The following CBFA2T3 variants were observed in gnomAD, a reference collection of about 807,000 sequenced individuals.
CBFA2T3 encodes CBFA2/RUNX1 partner transcriptional co-repressor 3, also known as transcriptional corepressor CBFA2T3.
In CBFA2T3, 31 loss-of-function variants were observed where a neutral mutation model predicts 58.6. The observed-to-expected ratio is 0.53, with a 90% CI of 0.40 to 0.71. The LOEUF (loss-of-function observed/expected upper bound fraction) is 0.71, where lower values mean the gene tolerates loss of function less well. CBFA2T3 is among the 30% of genes least tolerant of loss of function. The pLI is 0.00. For synonymous variants in CBFA2T3, 531 were observed against 421.9 expected, an observed-to-expected ratio of 1.26 and a Z score of -3.17; for missense variants, 1,076 against 963.1, an observed-to-expected ratio of 1.12 and a Z score of -1.55.
chr16:88,898,298 G>T (rs61415105), intron 2 of CBFA2T3, 146 bp from the exon 3 acceptor site: 3 of 638,256 alleles, frequency 4.7e-6, no homozygotes, highest in Non-Finnish European at 8.2e-6. Context: ...AGGGGCACCC[G>T]GGCCGCCTTT....
At chr16:88,972,833 G>C (rs1972687930) in intron 1 of CBFA2T3, among the ~76,000 whole-genome samples, 1 of 152,262 alleles carries the variant, frequency 6.6e-6, no homozygotes, top group Non-Finnish European at 1.5e-5. Context: ...GGTGAGGTCT[G>C]AGGGTGCTGG....
chr16:88,956,433 TC>T (rs1460710194), intron 1 of CBFA2T3, among the ~76,000 whole-genome samples: 1 of 152,154 alleles, frequency 6.6e-6, no homozygotes, highest in Non-Finnish European at 1.5e-5. Context: ...ATGACCCTGC[TC>T]CCCCAGGCTC....
intron 1 of CBFA2T3, among the ~76,000 whole-genome samples, chr16:88,910,432 C>T (rs149612637): frequency 0.012 from 1,900 of 152,332 alleles, 8 homozygotes; most frequent in East Asian, 0.021. Context: ...ACAACAGTGC[C>T]GGCCACACTG....
In CBFA2T3 at chr16:88,899,589, G is replaced by C. The variant is rs746215286; in HGVS notation, c.305-1437C>G. 4.6e-5 allele frequency among the ~76,000 whole-genome samples: 7 copies of C among 152,220 alleles called. No individual in the cohort carries two copies. The South Asian group carries it at 8.3e-4, about 18-fold the overall frequency. On this transcript the variant is annotated intron_variant, in intron 2 of 11. Transcript: ENST00000268679. Reference sequence around the variant, plus strand: ...CACATCCGTTCACAGGTCTCCAGAAGCAGAGCCCGACGCTCTGCTGATCCC... The same window carrying C: ...CACATCCGTTCACAGGTCTCCAGAACCAGAGCCCGACGCTCTGCTGATCCC...
intron 5 of CBFA2T3, among the ~76,000 whole-genome samples, chr16:88,889,907 C>T (rs1451628510): frequency 1.4e-5 from 2 of 143,840 alleles, no homozygotes; most frequent in Non-Finnish European, 3.0e-5. Flanking sequence ...CCTTCAGGGA[C>T]GACGCCCCGC....
At chr16:88,917,631 G>A (rs939038284) in intron 1 of CBFA2T3, among the ~76,000 whole-genome samples, 16 of 152,198 alleles carry the variant, frequency 1.1e-4, no homozygotes, top group African/African-American at 3.9e-4. Context: ...CGGCTGCCAA[G>A]TTTAAAGTCA....
intron 3 of CBFA2T3, among the ~76,000 whole-genome samples, chr16:88,895,889 C>A (rs926882372): frequency 2.0e-5 from 3 of 152,180 alleles, no homozygotes; most frequent in African/African-American, 7.2e-5. Flanking sequence ...CGGCGCCTAG[C>A]CTCAGTTTCT....
chr16:88,877,355 G>A, intron 11 of CBFA2T3, 80 bp from the exon 12 acceptor site: 1 of 1,184,546 alleles, frequency 8.4e-7, no homozygotes, highest in African/African-American at 1.6e-5. Context: ...AAGCCATTCA[G>A]ACCCAGCCAC....
intron 5 of CBFA2T3, among the ~76,000 whole-genome samples, chr16:88,888,759 T>C (rs1378151354): frequency 1.3e-5 from 2 of 151,836 alleles, no homozygotes; most frequent in South Asian, 2.1e-4. Context: ...AGAAGCGCCA[T>C]GTCAGAGAGG....
chr16:88,907,529 C>T (rs579740), intron 1 of CBFA2T3, among the ~76,000 whole-genome samples: 48,455 of 150,698 alleles, frequency 0.32, 7,843 homozygotes, highest in Middle Eastern at 0.38. Context: ...TCTTCCGCGG[C>T]CCTGAGATCC....
At chr16:88,888,947 G>A (rs934710161) in intron 5 of CBFA2T3, among the ~76,000 whole-genome samples, 26 of 151,902 alleles carry the variant, frequency 1.7e-4, no homozygotes, top group East Asian at 1.2e-3. Flanking sequence ...GGGCGTGGCC[G>A]GGGGACACCA....
chr16:88,921,181 ATG>A (rs1055040638), intron 1 of CBFA2T3, among the ~76,000 whole-genome samples: 2 of 152,260 alleles, frequency 1.3e-5, no homozygotes, highest in Non-Finnish European at 2.9e-5. Flanking sequence ...ATTTTTAAAA[ATG>A]TGTTTTACAA....
intron 8 of CBFA2T3, 76 bp downstream of exon 8, chr16:88,882,600 G>A (rs978274525): frequency 4.6e-6 from 4 of 863,170 alleles, no homozygotes; most frequent in East Asian, 5.5e-5. Context: ...GCATGGCTGT[G>A]TGTGCGTGGC....
intron 1 of CBFA2T3, among the ~76,000 whole-genome samples, chr16:88,914,281 T>G (rs1970619430): frequency 1.3e-5 from 2 of 152,216 alleles, no homozygotes; most frequent in South Asian, 4.1e-4. Flanking sequence ...GACAGCGCAG[T>G]GACCAGAGGG....
chr16:88,897,958 C>T, intron 3 of CBFA2T3, 120 bp downstream of exon 3: 1 of 760,714 alleles, frequency 1.3e-6, no homozygotes, highest in East Asian at 2.5e-5. Context: ...AGAGGCAATG[C>T]TGAGGGTGCG....
intron 1 of CBFA2T3, among the ~76,000 whole-genome samples, chr16:88,959,429 G>A (rs1972307812): frequency 6.6e-6 from 1 of 152,168 alleles, no homozygotes; most frequent in Non-Finnish European, 1.5e-5. Flanking sequence ...GGGTGTTCAG[G>A]GCCTGTGAGG....
intron 1 of CBFA2T3, among the ~76,000 whole-genome samples, chr16:88,963,208 T>C (rs1281990210): frequency 7.6e-6 from 1 of 132,380 alleles, no homozygotes; most frequent in African/African-American, 2.9e-5. Context: ...AAGGAGTTTC[T>C]ACCAAAGTCC....
intron 1 of CBFA2T3, chr16:88,939,674 T>G (rs1971638629): frequency 6.6e-6 from 1 of 152,396 alleles, no homozygotes; most frequent in Non-Finnish European, 1.5e-5. Context: ...ACGCCCAGAC[T>G]GGAGCGGGGG....
intron 1 of CBFA2T3, among the ~76,000 whole-genome samples, chr16:88,935,075 G>A (rs929831053): frequency 6.6e-6 from 1 of 152,254 alleles, no homozygotes; most frequent in Non-Finnish European, 1.5e-5. Context: ...TGAAGGCCAC[G>A]TGGTGGAGCT....
Sources: gnomAD v4.1 joint callset for allele counts (sites outside exome capture counted in the v4.1 genomes callset) on GRCh38, gnomAD v4.1.1 for gene constraint, MANE v1.5 for transcripts, NCBI Gene and HGNC (gene_info 2026-07-23, HGNC 2026-07-21) for gene names.